ARHGEF28: variants seen among roughly 807,000 people sequenced by gnomAD.
ARHGEF28 encodes Rho guanine nucleotide exchange factor 28.
A neutral mutation model predicts 206.6 loss-of-function variants in ARHGEF28; 152 were observed. That is an observed-to-expected ratio of 0.74 (90% CI 0.64 to 0.84). The LOEUF (loss-of-function observed/expected upper bound fraction) is 0.84. Among genes scored for constraint, ARHGEF28 ranks in the 40% least tolerant of loss-of-function variants. The pLI is 0.00. For missense variants in ARHGEF28, 2,028 were observed against 2,073.2 expected (o/e 0.98, Z 0.42); for synonymous variants, 763 against 776.4 (o/e 0.98, Z 0.29).
chr5:73,723,385 A>G (rs1011836605), intron 2 of ARHGEF28, among the ~76,000 whole-genome samples: 9 of 152,048 alleles, frequency 5.9e-5, no homozygotes, highest in African/African-American at 2.2e-4. Flanking sequence ...ACGGGGTTTC[A>G]CCATGTTGGC....
intron 9 of ARHGEF28, among the ~76,000 whole-genome samples, chr5:73,827,053 G>A (rs1423318203): frequency 6.6e-6 from 1 of 152,168 alleles, no homozygotes; most frequent in Admixed American, 6.5e-5. Context: ...TGCTGTCTCT[G>A]ATTGTCTAAC....
chr5:73,729,980 C>G (rs1750510507), intron 2 of ARHGEF28, among the ~76,000 whole-genome samples: 1 of 152,174 alleles, frequency 6.6e-6, no homozygotes, highest in South Asian at 2.1e-4. Context: ...ATAACAAAAC[C>G]TAGCTTGCAG....
chr5:73,685,044 G>A (rs10755296), intron 2 of ARHGEF28, among the ~76,000 whole-genome samples, 160 bp downstream of exon 2: 1 of 152,066 alleles, frequency 6.6e-6, no homozygotes, highest in East Asian at 1.9e-4. Context: ...TGCATGGAGC[G>A]TTTTAAAACT....
chr5:73,758,854 G>T (rs897356521), intron 4 of ARHGEF28, among the ~76,000 whole-genome samples: 1 of 152,172 alleles, frequency 6.6e-6, no homozygotes, highest in Non-Finnish European at 1.5e-5. Flanking sequence ...AGCATGAATT[G>T]AATCTGCAGG....
chr5:73,842,905 T>G (rs1358429171), intron 11 of ARHGEF28, among the ~76,000 whole-genome samples: 1 of 151,102 alleles, frequency 6.6e-6, no homozygotes, highest in Non-Finnish European at 1.5e-5. Context: ...GCTCATTGCC[T>G]GAATCCGGGA....
In ARHGEF28 at chr5:73,815,792, A is replaced by G. The variant is rs561213590; in HGVS notation, c.1025-16546A>G. Among the ~76,000 whole-genome samples the G allele has an allele frequency of 7.2e-5, 11 of 152,344 alleles. 1 individual carries two copies. In the South Asian group the frequency reaches 2.3e-3, roughly 32 times the overall value. ...TGCAACAGAAAGTCATAGCATAGCTATGTATAAATTAAACATGACTCAAGT... is the reference window on the plus strand; with the variant it reads ...TGCAACAGAAAGTCATAGCATAGCTGTGTATAAATTAAACATGACTCAAGT... On this transcript the variant is annotated intron_variant, in intron 9 of 35. Transcript: ENST00000513042.
chr5:73,719,749 A>G (rs1222929726), intron 2 of ARHGEF28, among the ~76,000 whole-genome samples: 3 of 152,214 alleles, frequency 2.0e-5, no homozygotes, highest in Non-Finnish European at 4.4e-5. Context: ...GTTTGAAAAT[A>G]TGTGCATAGC....
rs751018794 is a variant in ARHGEF28 at position 73,658,989 on chromosome 5, A to ACACGCG, written c.-11-25849_-11-25848insGCGCAC. ...CACACACACACACACACACACACAC[A>ACACGCG]CACACACACACACACACCACACTCA... On this transcript the variant is annotated intron_variant, in intron 1 of 35. Coordinates refer to ENST00000513042, the MANE Select transcript of ARHGEF28 (RefSeq NM_001177693.2). 3.3e-5 allele frequency among the ~76,000 whole-genome samples: 5 copies of ACACGCG among 150,772 alleles called. No homozygotes were observed. The East Asian group carries it at 9.7e-4, about 29-fold the overall frequency.
intron 10 of ARHGEF28, among the ~76,000 whole-genome samples, chr5:73,837,945 G>T (rs1221345835): frequency 6.6e-6 from 1 of 152,018 alleles, no homozygotes; most frequent in African/African-American, 2.4e-5. Flanking sequence ...TCGCCATGTT[G>T]GCCAGGCTGG....
At chr5:73,784,408 C>T (rs1259288084) in intron 7 of ARHGEF28, among the ~76,000 whole-genome samples, 2 of 152,090 alleles carry the variant, frequency 1.3e-5, no homozygotes, top group African/African-American at 2.4e-5. Flanking sequence ...AGAATAATGG[C>T]ACATTATTTC....
At position 73,793,970 on chromosome 5, in the gene ARHGEF28, A is replaced by C. The variant is rs539479584; in HGVS notation, c.911-432A>C. On this transcript the variant is annotated intron_variant, in intron 7 of 35. Transcript: ENST00000513042. ...TAAGGAAAAGCCAGACCTCTTATATAATGAATTACGCTCTTTTAAAACATA... is the reference window on the plus strand; with the variant it reads ...TAAGGAAAAGCCAGACCTCTTATATCATGAATTACGCTCTTTTAAAACATA... 3.3e-5 allele frequency among the ~76,000 whole-genome samples: 5 copies of C among 152,152 alleles called. No individual in the cohort carries two copies. In the South Asian group the frequency reaches 1.0e-3, roughly 32 times the overall value.
At chr5:73,887,380 A>T in intron 25 of ARHGEF28, 1 of 365,532 alleles carries the variant, frequency 2.7e-6, no homozygotes, top group Non-Finnish European at 4.9e-6. Flanking sequence ...TGACTACATT[A>T]AACTTTGCTG....
At chr5:73,814,544 C>A (rs745642104) in intron 9 of ARHGEF28, among the ~76,000 whole-genome samples, 2 of 152,000 alleles carry the variant, frequency 1.3e-5, no homozygotes, top group South Asian at 4.2e-4. Flanking sequence ...AATCCTTCCC[C>A]GTTCTTGTCT....
chr5:73,940,808 T>G (rs1742560255), intron 35 of ARHGEF28, 36 bp from the exon 36 acceptor site: 1 of 1,404,302 alleles, frequency 7.1e-7, no homozygotes, highest in Non-Finnish European at 9.2e-7. Context: ...ACATCTCAGG[T>G]GGCCTCCTGT....
chr5:73,846,209 C>G lies in ARHGEF28; in HGVS notation c.1428-59C>G, dbSNP rs570622190. The stretch of plus-strand genomic sequence containing the variant: ...GAATCTGGATTCAGAGAAGTAGAAA[C>G]CAATGACGCTCTGTGTCCTTCCTTG... On this transcript the variant is annotated intron_variant, in intron 11 of 35. Transcript: ENST00000513042. 182 of 1,490,154 alleles carry G rather than the reference C, an allele frequency of 1.2e-4. 1 individual carries two copies. In the African/African-American group the frequency reaches 2.4e-3, roughly 19 times the overall value. 92.3% of individuals were successfully genotyped at this position (1,490,154 alleles called of 1,614,324 possible).
chr5:73,719,261 A>G (rs1041109015), intron 2 of ARHGEF28, among the ~76,000 whole-genome samples: 2 of 152,144 alleles, frequency 1.3e-5, no homozygotes, highest in Non-Finnish European at 2.9e-5. Flanking sequence ...AAGACAAAAA[A>G]TTAGCTGGGC....
intron 1 of ARHGEF28, among the ~76,000 whole-genome samples, chr5:73,634,234 G>A (rs2112122829): frequency 6.6e-6 from 1 of 152,278 alleles, no homozygotes; most frequent in South Asian, 2.1e-4. Flanking sequence ...GCAAACTTCA[G>A]TTCAGGTTGA....
At chr5:73,770,386 C>T (rs1276997167) in intron 4 of ARHGEF28, among the ~76,000 whole-genome samples, 1 of 152,156 alleles carries the variant, frequency 6.6e-6, no homozygotes. Context: ...CTGTTCAGTT[C>T]CTTTTTGTGT....
intron 11 of ARHGEF28, among the ~76,000 whole-genome samples, chr5:73,845,986 C>CAAAAAAAAAAA (rs57600570): frequency 1.6e-5 from 1 of 63,758 alleles, no homozygotes; most frequent in Non-Finnish European, 3.4e-5. Flanking sequence ...AAAACTGTCT[C>CAAAAAAAAAAA]AAAAAAAAAA....
Sources: allele counts gnomAD v4.1 joint callset (sites outside exome capture counted in the v4.1 genomes callset), GRCh38; gene constraint gnomAD v4.1.1; transcripts MANE v1.5; gene names NCBI Gene and HGNC (gene_info 2026-07-23, HGNC 2026-07-21).